Variants in SPINK1 observed in about 807,000 individuals in gnomAD.
The protein encoded by SPINK1 is serine peptidase inhibitor Kazal type 1, also known as serine protease inhibitor Kazal-type 1.
Under a neutral mutation model 9.5 loss-of-function variants are expected in SPINK1, and 5 were observed. The ratio of observed to expected loss-of-function variants is 0.52; its 90% CI spans 0.27 to 1.10. The LOEUF (loss-of-function observed/expected upper bound fraction) is 1.10, where lower values mean the gene tolerates loss of function less well. SPINK1 is among the 50% of genes least tolerant of loss of function. The pLI, the probability that SPINK1 is intolerant of heterozygous loss-of-function variation, is 0.11. For missense variants in SPINK1, 88 were observed against 92.7 expected (o/e 0.95, Z 0.21); for synonymous variants, 37 against 32.3 (o/e 1.14, Z -0.49).
chr5:147,826,924 A>G (rs1293053126), intron 3 of SPINK1, among the ~76,000 whole-genome samples: 2 of 152,206 alleles, frequency 1.3e-5, no homozygotes, highest in African/African-American at 4.8e-5. Context: ...AGCCTGAGTC[A>G]AAGTCTTTAA....
At chr5:147,832,812 G>A (rs183151179), upstream of SPINK1, among the ~76,000 whole-genome samples, 961 of 152,268 alleles carry the variant, frequency 6.3e-3, 19 homozygotes, top group Non-Finnish European at 3.7e-3. Flanking sequence ...TAGCTTCCAA[G>A]TAGGATAAAA....
At chr5:147,825,019 T>C (rs1756375364) in intron 3 of SPINK1, among the ~76,000 whole-genome samples, 1 of 152,242 alleles carries the variant, frequency 6.6e-6, no homozygotes, top group Non-Finnish European at 1.5e-5. Context: ...TTGCATCTTT[T>C]GCTCCTGATG....
rs17107318 is a variant in SPINK1, at chr5:147,829,667, A to G, written c.56-37T>C. On this transcript the variant is annotated intron_variant, in intron 1 of 3. Transcript: ENST00000296695. ...TCAGATATGGTAAGTTGGGTCCTAA[A>G]TGAAAGAAGTCAGATCTATTCTTCA... 15,440 of 1,590,006 alleles carry G rather than the reference A, an allele frequency of 9.7e-3. 108 individuals are homozygous for G. Among genetic ancestry groups the G allele is most frequent in the South Asian group, 0.018 (1,653 of 90,534 alleles).
chr5:147,831,564 C>G lies in SPINK1; in HGVS notation c.14G>C (p.Gly5Ala). The change falls in exon 1 of 4, where the codon GGC (glycine) becomes GCC (alanine). Residue 5 changes from glycine (G) to alanine (A), a missense_variant. Transcript: ENST00000296695. MKVT[G>A]IFLLSALALL... ...GGCCAAGGCACTGAGAAGAAAGATG[C>G]CTGTTACCTTCATGGCTGAAGTTCT... is the stretch of plus-strand genomic sequence containing the variant. 1.2e-6 allele frequency: 2 copies of G among 1,613,620 alleles called. No homozygotes were observed. The highest frequency in any genetic ancestry group is 8.5e-7 in the Non-Finnish European group (1 of 1,179,846).
upstream of SPINK1, chr5:147,831,719 A>G (rs755968566): frequency 1.8e-4 from 276 of 1,516,408 alleles, no homozygotes; most frequent in Middle Eastern, 1.4e-3. Flanking sequence ...CTCCCTGGTT[A>G]TTGATTGACT....
chr5:147,833,166 G>A (rs529204169), upstream of SPINK1, among the ~76,000 whole-genome samples: 20 of 152,228 alleles, frequency 1.3e-4, no homozygotes, highest in African/African-American at 3.8e-4. Flanking sequence ...AATAGTAAGC[G>A]CAAAGGTTCT....
the SPINK1 span, among the ~76,000 whole-genome samples, chr5:147,837,673 CTTTCTTT>C: frequency 3.5e-5 from 5 of 142,430 alleles, no homozygotes; most frequent in African/African-American, 1.3e-4. Flanking sequence ...TTCTTTCTTT[CTTTCTTT>C]CTTTCTTTCT....
upstream of SPINK1, among the ~76,000 whole-genome samples, chr5:147,833,063 T>C (rs369999500): frequency 3.9e-5 from 6 of 152,194 alleles, no homozygotes; most frequent in South Asian, 1.2e-3. Context: ...TCAGAGAAGG[T>C]CTTGCTTTTC....
chr5:147,829,130 TAAAC>T (rs1477978230), intron 2 of SPINK1, among the ~76,000 whole-genome samples: 1 of 152,148 alleles, frequency 6.6e-6, no homozygotes, highest in East Asian at 1.9e-4. Context: ...AATTACCTCT[TAAAC>T]AAAAAAATAT....
intron 3 of SPINK1, chr5:147,827,039 C>G (rs928328203): frequency 6.6e-6 from 1 of 152,004 alleles, no homozygotes; most frequent in Non-Finnish European, 1.5e-5. Context: ...TTGATATTGC[C>G]AAAATTCAGA....
At chr5:147,835,549 T>C (rs1756581984), upstream of SPINK1, among the ~76,000 whole-genome samples, 1 of 152,102 alleles carries the variant, frequency 6.6e-6, no homozygotes, top group Admixed American at 6.5e-5. Flanking sequence ...CTGCTCTGAG[T>C]ACATATTTAT....
intron 3 of SPINK1, among the ~76,000 whole-genome samples, 191 bp from the exon 4 acceptor site, chr5:147,824,897 A>T (rs1756372803): frequency 6.6e-6 from 1 of 152,232 alleles, no homozygotes; most frequent in Non-Finnish European, 1.5e-5. Context: ...TTTATTGATT[A>T]CTGTTGAATA....
upstream of SPINK1, among the ~76,000 whole-genome samples, chr5:147,832,222 C>T (rs542631343): frequency 2.0e-5 from 3 of 152,138 alleles, no homozygotes; most frequent in Non-Finnish European, 4.4e-5. Flanking sequence ...GCCACTTTTG[C>T]TGTGCTTCTG....
chr5:147,837,147 T>A, the SPINK1 span, among the ~76,000 whole-genome samples: 30 of 152,170 alleles, frequency 2.0e-4, no homozygotes, highest in Admixed American at 1.8e-3. Flanking sequence ...TTTTTGTAAA[T>A]TTTTGAAAAG....
chr5:147,831,780 A>T (rs1366575484), upstream of SPINK1: 1 of 1,423,308 alleles, frequency 7.0e-7, no homozygotes, highest in African/African-American at 1.4e-5. Context: ...TGTGTAAGAA[A>T]GGTGAAAGGA....
chr5:147,831,552 A>G lies in SPINK1; in HGVS notation c.26T>C (p.Leu9Pro). ...TAGACTCAACAGGGCCAAGGCACTG[A>G]GAAGAAAGATGCCTGTTACCTTCAT... The part of the protein sequence containing the change: MKVTGIFL[L>P]SALALLSLSG... Residue 9 changes from leucine (L) to proline (P), a missense_variant, in exon 1 of 4, where the codon CTC becomes CCC. Physicochemically the swap from Leu to Pro is moderately conservative, Grantham distance 98. Coordinates refer to ENST00000296695, the MANE Select transcript of SPINK1 (RefSeq NM_001379610.1). The G allele has an allele frequency of 6.2e-7, 1 of 1,613,732 alleles. No individual in the cohort carries two copies. Among genetic ancestry groups the G allele is most frequent in the Non-Finnish European group, 8.5e-7 (1 of 1,179,870 alleles).
chr5:147,824,819 G>C (rs1756371410), intron 3 of SPINK1, 113 bp from the exon 4 acceptor site: 1 of 917,396 alleles, frequency 1.1e-6, no homozygotes, highest in African/African-American at 1.7e-5. Context: ...GGAGAGGTTT[G>C]AGATTTATAA....
chr5:147,836,100 C>T (rs1253154193), upstream of SPINK1, among the ~76,000 whole-genome samples: 1 of 151,938 alleles, frequency 6.6e-6, no homozygotes, highest in Admixed American at 6.6e-5. Context: ...TTACATCCTC[C>T]TCCTCATCAT....
chr5:147,833,656 T>C (rs1468765609), upstream of SPINK1, among the ~76,000 whole-genome samples: 2 of 152,170 alleles, frequency 1.3e-5, no homozygotes, highest in African/African-American at 4.8e-5. Flanking sequence ...ATGCCATCCT[T>C]TCCCCCTGGG....
Sources: allele counts gnomAD v4.1 joint callset (sites outside exome capture counted in the v4.1 genomes callset), GRCh38; gene constraint gnomAD v4.1.1; transcripts MANE v1.5; gene names NCBI Gene and HGNC (gene_info 2026-07-23, HGNC 2026-07-21).